Variants in ZNF440 observed in about 807,000 individuals in gnomAD.
The protein encoded by ZNF440 is zinc finger protein 440.
A neutral mutation model predicts 49.7 loss-of-function variants in ZNF440; 47 were observed. The observed-to-expected ratio is 0.95, with a 90% confidence interval of 0.75 to 1.21. The LOEUF (loss-of-function observed/expected upper bound fraction) is 1.21. ZNF440 is among the 50% of genes most tolerant of loss of function. ZNF440 has a pLI of 0.00. For missense variants in ZNF440, 703 were observed against 715.0 expected (o/e 0.98, Z 0.19); for synonymous variants, 255 against 237.7 (o/e 1.07, Z -0.67).
At position 11,833,753 on chromosome 19, in the gene ZNF440, A is replaced by T; in HGVS notation, c.*789A>T. On this transcript the variant is annotated 3_prime_UTR_variant, in exon 4 of 4. Coordinates refer to ENST00000304060, the MANE Select transcript of ZNF440 (RefSeq NM_152357.3). The stretch of plus-strand genomic sequence containing the variant: ...GAGAGAAGCCCTATGAATATAAGCA[A>T]TGTGGGAAAGCCTTCAGATCAGCCT... 1.2e-6 allele frequency: 1 copy of T among 815,954 alleles called. No homozygotes were observed. The allele number at this position is 815,954 out of a possible 1,614,324, so 50.5% of individuals were successfully genotyped here.
At chr19:11,815,223 G>A (rs983562533) in intron 1 of ZNF440, among the ~76,000 whole-genome samples, 27 of 150,750 alleles carry the variant, frequency 1.8e-4, no homozygotes, top group Admixed American at 4.6e-4. Context: ...CTTGCAGTGA[G>A]CCGAGATCGC....
Position 11,833,012 on chromosome 19 carries a change from T to G in ZNF440, c.*48T>G. On this transcript the variant is annotated 3_prime_UTR_variant, in exon 4 of 4. Transcript: ENST00000304060. Reference sequence around the variant, plus strand: ...TAAATGTAAGATATGTGGGAGGGGCTTTTATTCTGCCAAGTCATTTCAAAT... The same window carrying G: ...TAAATGTAAGATATGTGGGAGGGGCGTTTATTCTGCCAAGTCATTTCAAAT... 6.3e-7 allele frequency: 1 copy of G among 1,599,696 alleles called. No homozygotes were observed. The highest frequency in any genetic ancestry group is 2.2e-5 in the East Asian group (1 of 44,818).
At chr19:11,822,367 A>G (rs2145121040) in intron 1 of ZNF440, among the ~76,000 whole-genome samples, 1 of 152,368 alleles carries the variant, frequency 6.6e-6, no homozygotes, top group East Asian at 1.9e-4. Flanking sequence ...AAGGTAACAT[A>G]TAATTATAAG....
chr19:11,820,385 T>G (rs1386821514), intron 1 of ZNF440, among the ~76,000 whole-genome samples: 2 of 151,992 alleles, frequency 1.3e-5, no homozygotes, highest in Non-Finnish European at 2.9e-5. Context: ...CCCGGCTAAT[T>G]TTTTTTGTAT....
intron 1 of ZNF440, among the ~76,000 whole-genome samples, chr19:11,822,796 A>G (rs963918040): frequency 2.7e-5 from 4 of 146,702 alleles, no homozygotes; most frequent in African/African-American, 1.0e-4. Context: ...GTAGTGAGCC[A>G]AGATCACACC....
At position 11,815,203 on chromosome 19, in the gene ZNF440, G is replaced by A. The variant is rs545046451; in HGVS notation, c.3+753G>A. Among the ~76,000 whole-genome samples, 102 of 151,526 alleles carry A rather than the reference G, an allele frequency of 6.7e-4. 1 individual carries two copies. The highest frequency in any genetic ancestry group is 2.3e-3 in the African/African-American group (94 of 41,256). On this transcript the variant is annotated intron_variant, in intron 1 of 3. Coordinates refer to ENST00000304060, the MANE Select transcript of ZNF440 (RefSeq NM_152357.3). Reference sequence around the variant, plus strand: ...GAGGCAGGAGAATGGCGTGAACCCGGGAGGTGGAGCTTGCAGTGAGCCGAG... The same window carrying A: ...GAGGCAGGAGAATGGCGTGAACCCGAGAGGTGGAGCTTGCAGTGAGCCGAG...
chr19:11,821,592 G>T (rs185225529), intron 1 of ZNF440, among the ~76,000 whole-genome samples: 1 of 152,082 alleles, frequency 6.6e-6, no homozygotes, highest in African/African-American at 2.4e-5. Context: ...ACACAGGGGG[G>T]TATAGTGCAG....
Position 11,814,412 on chromosome 19 carries a change from A to G in ZNF440, c.-36A>G. ...GTGACCTACACTAGTCGCGGGAGCC[A>G]CGCAGAGGACGCCGGAACACCCTGG... On this transcript the variant is annotated 5_prime_UTR_variant, in exon 1 of 4. Transcript: ENST00000304060. 5.8e-6 allele frequency: 9 copies of G among 1,560,336 alleles called. No individual in the cohort carries two copies. In the Admixed American group the frequency reaches 9.4e-5, roughly 16 times the overall value.
intron 1 of ZNF440, among the ~76,000 whole-genome samples, chr19:11,824,656 C>A (rs1180402388): frequency 6.6e-6 from 1 of 151,380 alleles, no homozygotes; most frequent in East Asian, 1.9e-4. Context: ...GGCAGATAAT[C>A]CACAGAGTTC....
chr19:11,819,557 C>T (rs1975773902), intron 1 of ZNF440, among the ~76,000 whole-genome samples: 1 of 152,162 alleles, frequency 6.6e-6, no homozygotes, highest in Non-Finnish European at 1.5e-5. Context: ...TACCACCACA[C>T]TTGGCTAATT....
chr19:11,815,632 C>A (rs140500736), intron 1 of ZNF440, among the ~76,000 whole-genome samples: 2 of 152,068 alleles, frequency 1.3e-5, no homozygotes, highest in Non-Finnish European at 2.9e-5. Context: ...GGGCCGGGCG[C>A]GGTGGCTCAC....
At chr19:11,824,325 A>C (rs1351506838) in intron 1 of ZNF440, among the ~76,000 whole-genome samples, 1 of 152,184 alleles carries the variant, frequency 6.6e-6, no homozygotes, top group Non-Finnish European at 1.5e-5. Flanking sequence ...TAGAGTGTGC[A>C]TTCTAGAAAC....
Position 11,832,237 on chromosome 19 carries a change from CATTTCA to C in ZNF440, c.1063_1068del (p.Phe355_Gln356del), listed in dbSNP as rs749335068. 2 of 1,614,004 alleles carry C rather than the reference CATTTCA, an allele frequency of 1.2e-6. No homozygotes were observed. Among genetic ancestry groups the C allele is most frequent in the Non-Finnish European group, 1.7e-6 (2 of 1,179,960 alleles). ...GGAAAAGACTTTTGTTCTGTGAATT[CATTTCA>C]AAGACATGAAAAAATTCACAGTGGA... On this transcript the variant is annotated inframe_deletion, in exon 4 of 4. Coordinates refer to ENST00000304060, the MANE Select transcript of ZNF440 (RefSeq NM_152357.3).
chr19:11,833,704 A>T lies in ZNF440; in HGVS notation c.*740A>T. 3.3e-6 allele frequency: 2 copies of T among 614,156 alleles called. No homozygotes were observed. The highest frequency in any genetic ancestry group is 5.2e-6 in the Non-Finnish European group (2 of 382,856). 38.0% of individuals were successfully genotyped at this position (614,156 alleles called of 1,614,324 possible). The stretch of plus-strand genomic sequence containing the variant: ...GCCTTCATTTCTTCTAGTTCCCTTC[A>T]ATATCATGAAAGGACTCACACTGGA... On this transcript the variant is annotated 3_prime_UTR_variant, in exon 4 of 4. Coordinates refer to ENST00000304060, the MANE Select transcript of ZNF440 (RefSeq NM_152357.3).
At chr19:11,824,701 C>T (rs1160183746) in intron 1 of ZNF440, among the ~76,000 whole-genome samples, 1 of 145,122 alleles carries the variant, frequency 6.9e-6, no homozygotes. Context: ...GTTCCCCCCA[C>T]CACCCTTTTT....
At chr19:11,830,164 C>G (rs1238302445) in intron 1 of ZNF440, 119 bp from the exon 2 acceptor site, 12 of 1,526,618 alleles carry the variant, frequency 7.9e-6, no homozygotes, top group African/African-American at 1.4e-5. Context: ...ATCTGATGAC[C>G]AAAGCAGGGA....
Position 11,833,090 on chromosome 19 carries a change from A to C in ZNF440, c.*126A>C. ...ACCCTATGAGTGTAAGCAATGTGGG[A>C]AAGCCTTTGTTTCCTTCACTTCCTT... On this transcript the variant is annotated 3_prime_UTR_variant, in exon 4 of 4. Coordinates refer to ENST00000304060, the MANE Select transcript of ZNF440 (RefSeq NM_152357.3). 1 of 1,514,278 alleles carries C rather than the reference A, an allele frequency of 6.6e-7. No individual in the cohort carries two copies. Among genetic ancestry groups the C allele is most frequent in the Non-Finnish European group, 9.1e-7 (1 of 1,096,692 alleles). 93.8% of individuals were successfully genotyped at this position (1,514,278 alleles called of 1,614,324 possible).
At chr19:11,823,994 C>G (rs1975830255) in intron 1 of ZNF440, among the ~76,000 whole-genome samples, 1 of 150,364 alleles carries the variant, frequency 6.7e-6, no homozygotes, top group African/African-American at 2.4e-5. Context: ...AGAGATTATT[C>G]CAGTGTCGGC....
intron 1 of ZNF440, among the ~76,000 whole-genome samples, chr19:11,828,468 A>T (rs775550919): frequency 1.2e-4 from 19 of 152,186 alleles, no homozygotes; most frequent in Non-Finnish European, 2.4e-4. Context: ...TATAGGCATG[A>T]GCCACCATGC....
Sources: allele counts gnomAD v4.1 joint callset (sites outside exome capture counted in the v4.1 genomes callset), GRCh38; gene constraint gnomAD v4.1.1; transcripts MANE v1.5; gene names NCBI Gene and HGNC (gene_info 2026-07-23, HGNC 2026-07-21).